The following SPG11 variants were observed in gnomAD, a reference collection of about 807,000 sequenced individuals.
SPG11 encodes spatacsin.
Under a neutral mutation model 274.0 loss-of-function variants are expected in SPG11, and 222 were observed. The observed-to-expected ratio is 0.81, with a 90% CI of 0.73 to 0.91. The LOEUF (loss-of-function observed/expected upper bound fraction) is 0.91, where lower values mean the gene tolerates loss of function less well. Ranked by LOEUF, SPG11 falls within the 40% of genes least tolerant of loss-of-function variation. The pLI is 0.00. For missense variants in SPG11, 3,114 were observed against 2,872.7 expected, an observed-to-expected ratio of 1.08 and a Z score of -1.92; for synonymous variants, 1,144 against 1,039.7, an observed-to-expected ratio of 1.10 and a Z score of -1.93.
rs761249365 is a variant in SPG11, at chr15:44,628,728, C to T, written c.2008G>A (p.Val670Ile). 5.6e-6 allele frequency: 9 copies of T among 1,613,620 alleles called. No homozygotes were observed. Among genetic ancestry groups the T allele is most frequent in the African/African-American group, 2.7e-5 (2 of 74,906 alleles). ...TTTACTTTGGGGACATTTTCATGTA[C>T]ATCATATTCATCTATAGCATCTGTT... ...KLTDAIDEYDVHENVPKVKES... is the reference protein window; with the variant it reads ...KLTDAIDEYDIHENVPKVKES... Residue 670 changes from valine (V) to isoleucine (I), a missense_variant, in exon 10 of 40, where the codon GTA (valine) becomes ATA (isoleucine). Physicochemically the swap from Val to Ile is conservative, Grantham distance 29. Transcript: ENST00000261866.
chr15:44,601,638 A>G (rs2083192440), intron 20 of SPG11, among the ~76,000 whole-genome samples: 1 of 150,850 alleles, frequency 6.6e-6, no homozygotes, highest in Admixed American at 6.6e-5. Flanking sequence ...GCTCACTGCA[A>G]CTTCCGCCTC....
In SPG11 at chr15:44,596,104, A is replaced by G. The variant is rs1308576264; in HGVS notation, c.4413T>C (p.Ser1471=). The G allele has an allele frequency of 4.6e-5, 74 of 1,613,576 alleles. 1 individual carries two copies. The Admixed American group carries it at 1.2e-3, about 27-fold the overall frequency. ...TCACCTGGAGACATGAGGCCAGAAC[A>G]CTGAGGATAGGGGCCTGTTGTTTCA... is the stretch of plus-strand genomic sequence containing the variant. ...EAVKQQAPIL[S]VLASCLQGAS... is the part of the protein sequence containing the mutation. The change falls in exon 25 of 40, where the codon AGT becomes AGC. Residue 1471 remains serine (S), a synonymous_variant. Transcript: ENST00000261866.
chr15:44,568,566 C>T (rs899884185), intron 35 of SPG11, among the ~76,000 whole-genome samples: 7 of 152,240 alleles, frequency 4.6e-5, no homozygotes, highest in African/African-American at 1.4e-4. Context: ...TGAGGACACA[C>T]GGGCTTGCAG....
chr15:44,632,608 TCAAG>T (rs2084103280), intron 8 of SPG11, among the ~76,000 whole-genome samples: 1 of 151,542 alleles, frequency 6.6e-6, no homozygotes, highest in Admixed American at 6.6e-5. Flanking sequence ...CCTCCCAGAC[TCAAG>T]CAATCCTCAG....
chr15:44,604,871 C>T (rs568160170), intron 20 of SPG11, among the ~76,000 whole-genome samples: 3 of 129,242 alleles, frequency 2.3e-5, no homozygotes, highest in African/African-American at 6.0e-5. Flanking sequence ...CAACTTGCAG[C>T]GAGCCGAGAT....
chr15:44,608,936 T>A (rs972484958), intron 18 of SPG11, among the ~76,000 whole-genome samples: 2 of 152,100 alleles, frequency 1.3e-5, no homozygotes, highest in African/African-American at 4.8e-5. Context: ...ATATATATTT[T>A]AAAATATTTA....
At chr15:44,579,093 G>C (rs967744764) in intron 30 of SPG11, among the ~76,000 whole-genome samples, 1 of 152,084 alleles carries the variant, frequency 6.6e-6, no homozygotes, top group African/African-American at 2.4e-5. Flanking sequence ...GGGAGGCCGA[G>C]GTTGCAGTGA....
At chr15:44,619,363 T>G (rs1265956101) in intron 15 of SPG11, among the ~76,000 whole-genome samples, 1 of 152,250 alleles carries the variant, frequency 6.6e-6, no homozygotes, top group Admixed American at 6.5e-5. Context: ...AATGAAATGG[T>G]TGATATTCAG....
intron 17 of SPG11, among the ~76,000 whole-genome samples, chr15:44,612,211 C>A (rs935398036): frequency 6.6e-6 from 1 of 152,130 alleles, no homozygotes; most frequent in South Asian, 2.1e-4. Context: ...GTTCTACTAG[C>A]ACTTAACAAT....
chr15:44,623,903 G>A (rs1182157206), intron 11 of SPG11, among the ~76,000 whole-genome samples: 1 of 151,984 alleles, frequency 6.6e-6, no homozygotes, highest in African/African-American at 2.4e-5. Flanking sequence ...TGGGATTACA[G>A]GCATGCATCA....
intron 26 of SPG11, among the ~76,000 whole-genome samples, chr15:44,594,571 A>G (rs553905205): frequency 2.0e-5 from 3 of 150,354 alleles, no homozygotes; most frequent in Non-Finnish European, 4.4e-5. Flanking sequence ...TCAACATGGC[A>G]AAACCCTGTC....
At position 44,651,970 on chromosome 15, in the gene SPG11, C is replaced by A. The variant is rs1442301066; in HGVS notation, c.1008-31G>T. 4 of 1,597,332 alleles carry A rather than the reference C, an allele frequency of 2.5e-6. No homozygotes were observed. The Middle Eastern group carries it at 5.0e-4, about 201-fold the overall frequency. ...AACAAGGTAAAATATAACTTAACAC[C>A]TGTCACAGTAAAAGGCACTATGTAA... is the stretch of plus-strand genomic sequence containing the variant. On this transcript the variant is annotated intron_variant, in intron 5 of 39. Transcript: ENST00000261866.
chr15:44,607,106 C>A (rs1422962253), intron 19 of SPG11, among the ~76,000 whole-genome samples: 1 of 152,150 alleles, frequency 6.6e-6, no homozygotes, highest in Non-Finnish European at 1.5e-5. Context: ...TACAAAAAAA[C>A]CCCTACTGAA....
At position 44,598,730 on chromosome 15, in the gene SPG11, T is replaced by C. The variant is rs2083108501; in HGVS notation, c.3793A>G (p.Ser1265Gly). The change falls in exon 22 of 40, where the codon AGC becomes GGC. Residue 1265 changes from serine (S) to glycine (G), a missense_variant. Physicochemically the swap from Ser to Gly is moderately conservative, Grantham distance 56. Coordinates refer to ENST00000261866, the MANE Select transcript of SPG11 (RefSeq NM_025137.4). ...VCFLELLGLDSLKLRVDMKVA... is the reference protein window; with the variant it reads ...VCFLELLGLDGLKLRVDMKVA... ...TTCATATCAACTCTGAGCTTGAGGC[T>C]GTCAAGGCCAAGCAATTCTAAGAAA... 6.2e-7 allele frequency: 1 copy of C among 1,614,106 alleles called. No individual in the cohort carries two copies. The highest frequency in any genetic ancestry group is 8.5e-7 in the Non-Finnish European group (1 of 1,180,044).
At chr15:44,600,791 G>C (rs755282781) in intron 20 of SPG11, among the ~76,000 whole-genome samples, 159 bp from the exon 21 acceptor site, 39 of 152,196 alleles carry the variant, frequency 2.6e-4, no homozygotes, top group Admixed American at 5.2e-4. Flanking sequence ...TTTTACTTCA[G>C]TGTATAGAGG....
Position 44,652,658 on chromosome 15 carries a change from CTTT to C in SPG11, c.870-395_870-393del, listed in dbSNP as rs200032491. 8.3e-3 allele frequency among the ~76,000 whole-genome samples: 1,188 copies of C among 142,458 alleles called. 11 individuals carry two copies. The highest frequency in any genetic ancestry group is 0.029 in the African/African-American group (1,141 of 38,880). 93.5% of individuals were successfully genotyped at this position (142,458 alleles called of 152,430 possible). A position where few individuals can be genotyped will look rare whatever the true frequency, so the allele number is the denominator to read the frequency against. On this transcript the variant is annotated intron_variant, in intron 4 of 39. Coordinates refer to ENST00000261866, the MANE Select transcript of SPG11 (RefSeq NM_025137.4). Reference sequence around the variant, plus strand: ...GTGACTATCAAGTCTAGCTTTTTTTCTTTTTTTTTTTTTTGAGACAGAGTCTCA... The same window carrying C: ...GTGACTATCAAGTCTAGCTTTTTTTCTTTTTTTTTTTGAGACAGAGTCTCA...
In SPG11 at chr15:44,596,766, T is replaced by C; in HGVS notation, c.4161+18A>G. 9 of 1,480,286 alleles carry C rather than the reference T, an allele frequency of 6.1e-6. No individual in the cohort carries two copies. Among genetic ancestry groups the C allele is most frequent in the Non-Finnish European group, 8.2e-6 (9 of 1,095,484 alleles). The allele number at this position is 1,480,286 out of a possible 1,614,324, so 91.7% of individuals were successfully genotyped here. ...TTCCTATTTCCTTTTGAGTGACTGC[T>C]AACAATTAGTGGCTTACCTCTGCTG... On this transcript the variant is annotated intron_variant, in intron 24 of 39. Coordinates refer to ENST00000261866, the MANE Select transcript of SPG11 (RefSeq NM_025137.4).
intron 39 of SPG11, among the ~76,000 whole-genome samples, chr15:44,564,285 G>A (rs1398937266): frequency 1.3e-5 from 2 of 152,192 alleles, no homozygotes; most frequent in African/African-American, 4.8e-5. Flanking sequence ...GAGCCACTGG[G>A]CCTGGCCAGT....
In SPG11 at chr15:44,574,810, C is replaced by T; in HGVS notation, c.6006+92G>A. ...TCTACTCCCAGGTCATGATTATCATCTAAAAGGCTGACTTGGCAATGTCCA... is the reference window on the plus strand; with the variant it reads ...TCTACTCCCAGGTCATGATTATCATTTAAAAGGCTGACTTGGCAATGTCCA... On this transcript the variant is annotated intron_variant, in intron 31 of 39. Transcript: ENST00000261866. 4 of 1,476,956 alleles carry T rather than the reference C, an allele frequency of 2.7e-6. No homozygotes were observed. In the South Asian group the frequency reaches 4.6e-5, roughly 17 times the overall value. 91.5% of individuals were successfully genotyped at this position (1,476,956 alleles called of 1,614,324 possible). A position where few individuals can be genotyped will look rare whatever the true frequency, so the allele number is the denominator to read the frequency against.
Sources: gnomAD v4.1 joint callset for allele counts (sites outside exome capture counted in the v4.1 genomes callset) on GRCh38, gnomAD v4.1.1 for gene constraint, MANE v1.5 for transcripts, NCBI Gene and HGNC (gene_info 2026-07-23, HGNC 2026-07-21) for gene names.